PJVK: variants seen among roughly 807,000 people sequenced by gnomAD.
The protein encoded by PJVK is autosomal recessive deafness type 59 protein.
Under a neutral mutation model 37.6 loss-of-function variants are expected in PJVK, and 33 were observed. The ratio of observed to expected loss-of-function variants is 0.88; its 90% confidence interval spans 0.67 to 1.17. The LOEUF (loss-of-function observed/expected upper bound fraction) is 1.17, where lower values mean the gene tolerates loss of function less well. Among genes scored for constraint, PJVK ranks in the 50% most tolerant of loss-of-function variants. The pLI is 0.00. For synonymous variants in PJVK, 141 were observed against 143.5 expected (o/e 0.98, Z 0.13); for missense variants, 410 against 413.8 (o/e 0.99, Z 0.08).
chr2:178,453,668 G>A (rs1320365510), intron 2 of PJVK, 48 bp downstream of exon 2: 1 of 1,504,752 alleles, frequency 6.6e-7, no homozygotes, highest in African/African-American at 1.4e-5. Flanking sequence ...TGTATTATTG[G>A]CAACCTAAAC....
chr2:178,453,818 A>G (rs1446999348), intron 2 of PJVK, 198 bp downstream of exon 2: 1 of 522,802 alleles, frequency 1.9e-6, no homozygotes, highest in Non-Finnish European at 3.5e-6. Context: ...TATTGGTCAA[A>G]TAATTTTCAA....
At chr2:178,451,854 G>A (rs1697687954) in intron 1 of PJVK, 85 bp downstream of exon 1, 1 of 985,490 alleles carries the variant, frequency 1.0e-6, no homozygotes, top group Non-Finnish European at 1.2e-6. Context: ...GCGTTTGCCT[G>A]GGATGCAGCA....
intron 6 of PJVK, 34 bp from the exon 7 acceptor site, chr2:178,460,948 C>G: frequency 8.3e-6 from 13 of 1,569,806 alleles, no homozygotes; most frequent in Non-Finnish European, 1.1e-5. Flanking sequence ...ATTTTCACTT[C>G]TAACACATTT....
chr2:178,457,510 G>A (rs1684194860), intron 4 of PJVK, among the ~76,000 whole-genome samples: 1 of 152,200 alleles, frequency 6.6e-6, no homozygotes, highest in Admixed American at 6.5e-5. Flanking sequence ...CAGCTACTCG[G>A]AAGGCTGAGG....
rs1308300397 is a variant in PJVK at position 178,453,620 on chromosome 2, G to A, written c.211G>A (p.Gly71Ser). ...CCTAGGAGACAGAGAAATTTCAGCT[G>A]GTAAGTTTAAATGTTTGGGAGTGCC... ...ILLGDREISA[G>S]ISSYQLLNYE... Residue 71 changes from glycine to serine, a missense_variant and splice_region_variant, in exon 2 of 7, where the codon GGT (glycine) becomes AGT (serine). Gly to Ser is a moderately conservative substitution (Grantham distance 56, BLOSUM62 0). Transcript: ENST00000644580. 1.2e-6 allele frequency: 2 copies of A among 1,609,520 alleles called. No individual in the cohort carries two copies. Among genetic ancestry groups the A allele is most frequent in the Non-Finnish European group, 1.7e-6 (2 of 1,177,262 alleles).
At chr2:178,452,535 G>T in intron 1 of PJVK, 1 of 985,238 alleles carries the variant, frequency 1.0e-6, no homozygotes, top group South Asian at 4.7e-5. Flanking sequence ...TATGAACTCC[G>T]CATAACACCT....
Position 178,455,990 on chromosome 2 carries a change from A to C in PJVK, c.408-20A>C. The stretch of plus-strand genomic sequence containing the variant: ...AATTAGATGTTATAGAGTCTTGTGA[A>C]TGTATCTTCTTTATTTTAGAAAAAT... On this transcript the variant is annotated intron_variant, in intron 3 of 6. Transcript: ENST00000644580. 6.2e-7 allele frequency: 1 copy of C among 1,612,746 alleles called. No individual in the cohort carries two copies. The highest frequency in any genetic ancestry group is 1.3e-5 in the African/African-American group (1 of 75,048).
intron 2 of PJVK, 86 bp from the exon 3 acceptor site, chr2:178,454,246 T>A: frequency 8.4e-7 from 1 of 1,185,516 alleles, no homozygotes; most frequent in Admixed American, 2.4e-5. Context: ...GGTATTTGAG[T>A]CTTCAATTGT....
At chr2:178,458,461 T>C in intron 4 of PJVK, 49 bp from the exon 5 acceptor site, 1 of 1,408,294 alleles carries the variant, frequency 7.1e-7, no homozygotes, top group Non-Finnish European at 1.0e-6. Flanking sequence ...CAAAAAGCTA[T>C]CCTTACATGT....
Position 178,461,215 on chromosome 2 carries a change from A to C in PJVK, c.1000A>C (p.Lys334Gln). Residue 334 changes from lysine (K) to glutamine (Q), a missense_variant, in exon 7 of 7, where the codon AAG becomes CAG. Physicochemically the swap from Lys to Gln is moderately conservative, Grantham distance 53. Transcript: ENST00000644580. ...CTTTCAGTGTTCTGTTGATGGTCAGAAGTATGTGAGACTTCATGCAGTTCC... is the reference window on the plus strand; with the variant it reads ...CTTTCAGTGTTCTGTTGATGGTCAGCAGTATGTGAGACTTCATGCAGTTCC... The part of the protein sequence containing the change: ...GCFQCSVDGQ[K>Q]YVRLHAVPCF... The C allele has an allele frequency of 6.2e-7, 1 of 1,614,188 alleles. No homozygotes were observed. The highest frequency in any genetic ancestry group is 8.5e-7 in the Non-Finnish European group (1 of 1,180,028).
rs1017764159 is a variant in PJVK at position 178,451,401 on chromosome 2, C to T, written c.-391C>T. On this transcript the variant is annotated 5_prime_UTR_variant, in exon 1 of 7. Coordinates refer to ENST00000644580, the MANE Select transcript of PJVK (RefSeq NM_001042702.5). Reference sequence around the variant, plus strand: ...CTGACCAGCCTGTAGTAACTGGCCCCTAGGCCGCAGTTCTTTGTCCTTAGC... The same window carrying T: ...CTGACCAGCCTGTAGTAACTGGCCCTTAGGCCGCAGTTCTTTGTCCTTAGC... 9 of 292,786 alleles carry T rather than the reference C, an allele frequency of 3.1e-5. No homozygotes were observed. Among genetic ancestry groups the T allele is most frequent in the Non-Finnish European group, 5.8e-5 (9 of 155,182 alleles). 18.1% of individuals were successfully genotyped at this position (292,786 alleles called of 1,614,324 possible). A position where few individuals can be genotyped will look rare whatever the true frequency, so the allele number is the denominator to read the frequency against.
chr2:178,461,609 G>C lies in PJVK; in HGVS notation c.*335G>C, dbSNP rs1360809321. On this transcript the variant is annotated 3_prime_UTR_variant, in exon 7 of 7. Coordinates refer to ENST00000644580, the MANE Select transcript of PJVK (RefSeq NM_001042702.5). Reference sequence around the variant, plus strand: ...CTTTTTTTTTTTTTTTTTTGAGACAGAGCCTTGCTCCGTCACCCAGGCTGG... The same window carrying C: ...CTTTTTTTTTTTTTTTTTTGAGACACAGCCTTGCTCCGTCACCCAGGCTGG... Among the ~76,000 whole-genome samples, 2 of 116,008 alleles carry C rather than the reference G, an allele frequency of 1.7e-5. No individual in the cohort carries two copies. Among genetic ancestry groups the C allele is most frequent in the East Asian group, 7.3e-4 (2 of 2,726 alleles). 76.1% of individuals were successfully genotyped at this position (116,008 alleles called of 152,430 possible). A position where few individuals can be genotyped will look rare whatever the true frequency, so the allele number is the denominator to read the frequency against.
At chr2:178,457,386 T>C (rs79758540) in intron 4 of PJVK, among the ~76,000 whole-genome samples, 1 of 152,284 alleles carries the variant, frequency 6.6e-6, no homozygotes, top group African/African-American at 2.4e-5. Context: ...AAGACTGAGA[T>C]AGGAAGACAG....
At chr2:178,459,327 A>T (rs1308415006) in intron 5 of PJVK, 1 of 388,180 alleles carries the variant, frequency 2.6e-6, no homozygotes, top group Non-Finnish European at 5.5e-6. Flanking sequence ...TTGTAGGAGG[A>T]GGGAATAGGG....
rs1158151073 is a variant in PJVK at position 178,458,504 on chromosome 2, A to G, written c.550-6A>G. On this transcript the variant is annotated splice_region_variant and splice_polypyrimidine_tract_variant and intron_variant, in intron 4 of 6. Transcript: ENST00000644580. ...CTTAATTATGTTATTTATTTATTCA[A>G]TATAGTTTCACTTTATGGATGAACA... 1.3e-6 allele frequency: 2 copies of G among 1,573,582 alleles called. No individual in the cohort carries two copies. The highest frequency in any genetic ancestry group is 1.7e-6 in the Non-Finnish European group (2 of 1,143,316).
intron 3 of PJVK, chr2:178,455,577 G>A (rs749357694): frequency 1.5e-6 from 1 of 669,908 alleles, no homozygotes; most frequent in Non-Finnish European, 2.7e-6. Flanking sequence ...CAGGAGAAAG[G>A]CTGGGGCTTG....
At position 178,454,417 on chromosome 2, in the gene PJVK, CGTT is replaced by C; in HGVS notation, c.299_301del (p.Val100del). 6.2e-7 allele frequency: 1 copy of C among 1,613,884 alleles called. No homozygotes were observed. ...GGCGAGGTAACCATATTGTAAATGA[CGTT>C]GGGATTAACGTTGCTGGATCAGATT... On this transcript the variant is annotated inframe_deletion, in exon 3 of 7. Transcript: ENST00000644580.
chr2:178,461,690 T>G lies in PJVK; in HGVS notation c.*416T>G, dbSNP rs1411317758. ...ACCTCTGCCTCCTGGGTTCAAGCAA[T>G]TCTCTGCCTCAGCCTCCCGAGTAGC... On this transcript the variant is annotated 3_prime_UTR_variant, in exon 7 of 7. Coordinates refer to ENST00000644580, the MANE Select transcript of PJVK (RefSeq NM_001042702.5). 6.7e-6 allele frequency among the ~76,000 whole-genome samples: 1 copy of G among 148,784 alleles called. No individual in the cohort carries two copies. The highest frequency in any genetic ancestry group is 1.5e-5 in the Non-Finnish European group (1 of 67,594).
intron 4 of PJVK, 148 bp downstream of exon 4, chr2:178,456,299 T>G: frequency 1.1e-6 from 1 of 940,292 alleles, no homozygotes. Context: ...CAGCAATGTC[T>G]GTTCTAGAAT....
Sources: allele counts gnomAD v4.1 joint callset (sites outside exome capture counted in the v4.1 genomes callset), GRCh38; gene constraint gnomAD v4.1.1; transcripts MANE v1.5; gene names NCBI Gene and HGNC (gene_info 2026-07-23, HGNC 2026-07-21).